PCDH15: variants seen among roughly 807,000 people sequenced by gnomAD.
PCDH15 encodes protocadherin-15.
PCDH15 carries 129 observed loss-of-function variants against 178.5 expected under a neutral mutation model. The ratio of observed to expected loss-of-function variants is 0.72; its 90% CI spans 0.63 to 0.84. The LOEUF is 0.84. Ranked by LOEUF, PCDH15 falls within the 40% of genes least tolerant of loss-of-function variation. PCDH15 has a pLI of 0.00. For missense variants in PCDH15, 2,230 were observed against 2,099.9 expected (o/e 1.06, Z -1.21); for synonymous variants, 800 against 732.0 (o/e 1.09, Z -1.50).
rs1376089788 is a variant in PCDH15, at chr10:54,079,358, G to A, written c.2064C>T (p.Ile688=). ...CATCTGGCCTGCCATCTGAAGCTGT[G>A]ATGATCAGAATGTAGCGATCAGTGC... is the stretch of plus-strand genomic sequence containing the variant. ...RESTDRYILI[I]TASDGRPDGT... is the part of the protein sequence containing the mutation. Residue 688 remains isoleucine (I), a synonymous_variant, in exon 17 of 38, where the codon ATC becomes ATT. Coordinates refer to ENST00000644397, the MANE Select transcript of PCDH15 (RefSeq NM_001384140.1). 6.2e-7 allele frequency: 1 copy of A among 1,613,974 alleles called. No homozygotes were observed. Among genetic ancestry groups the A allele is most frequent in the African/African-American group, 1.3e-5 (1 of 74,914 alleles).
At chr10:55,179,873 T>C (rs1326279137) in intron 1 of PCDH15, among the ~76,000 whole-genome samples, 1 of 151,942 alleles carries the variant, frequency 6.6e-6, no homozygotes, top group Non-Finnish European at 1.5e-5. Flanking sequence ...TCCTGCTTGC[T>C]GAACTACGGG....
Position 54,599,763 on chromosome 10 carries a change from T to C in PCDH15, c.91+64409A>G, listed in dbSNP as rs576014201. 67 of 500,444 alleles carry C rather than the reference T, an allele frequency of 1.3e-4. No individual in the cohort carries two copies. In the East Asian group the frequency reaches 3.1e-3, roughly 23 times the overall value. The allele number at this position is 500,444 out of a possible 1,614,324, so 31.0% of individuals were successfully genotyped here. The stretch of plus-strand genomic sequence containing the variant: ...AAGAAGAGGAGGTAAAAGATGAGGG[T>C]GATAAGTTAGACCAAGCTGAAGAGG... On this transcript the variant is annotated intron_variant, in intron 2 of 37. Transcript: ENST00000644397.
At chr10:55,134,644 T>A (rs1838141113) in intron 2 of PCDH15, among the ~76,000 whole-genome samples, 1 of 152,194 alleles carries the variant, frequency 6.6e-6, no homozygotes, top group Non-Finnish European at 1.5e-5. Flanking sequence ...GTTTTCTGAT[T>A]GGAAATCTAA....
At chr10:54,617,059 T>G (rs2093183755) in intron 2 of PCDH15, among the ~76,000 whole-genome samples, 2 of 115,154 alleles carry the variant, frequency 1.7e-5, no homozygotes, top group South Asian at 2.6e-4. Context: ...TTTTAATTTT[T>G]ATTTATTTAT....
intron 2 of PCDH15, among the ~76,000 whole-genome samples, chr10:54,903,969 A>T (rs1310585684): frequency 6.6e-6 from 1 of 152,082 alleles, no homozygotes; most frequent in Non-Finnish European, 1.5e-5. Flanking sequence ...AGACAATGAC[A>T]TATTATTACT....
chr10:54,503,569 T>C (rs541221912), intron 3 of PCDH15, among the ~76,000 whole-genome samples: 1 of 151,552 alleles, frequency 6.6e-6, no homozygotes, highest in African/African-American at 2.4e-5. Flanking sequence ...CTCACATAGC[T>C]GTACTGAGGT....
intron 2 of PCDH15, among the ~76,000 whole-genome samples, chr10:54,578,171 G>T (rs2090698426): frequency 6.6e-6 from 1 of 151,804 alleles, no homozygotes; most frequent in African/African-American, 2.4e-5. Context: ...TAAATTTCTG[G>T]TGTAAATTCT....
chr10:54,134,448 T>C (rs1452341962), intron 14 of PCDH15, among the ~76,000 whole-genome samples: 1 of 152,062 alleles, frequency 6.6e-6, no homozygotes, highest in African/African-American at 2.4e-5. Context: ...ATTCTACTTT[T>C]CAAAACCTTT....
At chr10:54,338,460 T>A (rs539596654) in intron 6 of PCDH15, among the ~76,000 whole-genome samples, 74 of 150,770 alleles carry the variant, frequency 4.9e-4, no homozygotes, top group African/African-American at 1.6e-3. Flanking sequence ...GTGATTTTTT[T>A]AAAAATCGTT....
intron 3 of PCDH15, among the ~76,000 whole-genome samples, chr10:54,824,790 C>G (rs1477195185): frequency 2.0e-5 from 3 of 152,034 alleles, no homozygotes; most frequent in Non-Finnish European, 4.4e-5. Flanking sequence ...AATACCACCA[C>G]TTTTACCCTC....
At chr10:54,550,319 C>T (rs1233335433) in intron 2 of PCDH15, among the ~76,000 whole-genome samples, 7 of 152,264 alleles carry the variant, frequency 4.6e-5, no homozygotes, top group East Asian at 3.9e-4. Flanking sequence ...ACCTCTCTCT[C>T]GCTAGAAAAA....
chr10:53,922,047 T>G (rs546534727), intron 25 of PCDH15, among the ~76,000 whole-genome samples: 22 of 152,082 alleles, frequency 1.4e-4, no homozygotes, highest in African/African-American at 5.3e-4. Context: ...AATTTTTTTT[T>G]GAAGAAAGTT....
At chr10:54,740,952 A>G (rs556105005) in intron 1 of PCDH15, among the ~76,000 whole-genome samples, 163 of 152,082 alleles carry the variant, frequency 1.1e-3, no homozygotes, top group African/African-American at 2.2e-3. Context: ...TCTAGCATTT[A>G]ATAACACAGC....
intron 21 of PCDH15, among the ~76,000 whole-genome samples, chr10:53,975,215 G>C (rs2090087198): frequency 6.6e-6 from 1 of 152,096 alleles, no homozygotes; most frequent in Non-Finnish European, 1.5e-5. Flanking sequence ...CCATGTCTTA[G>C]CTATTGTGAA....
intron 1 of PCDH15, among the ~76,000 whole-genome samples, chr10:55,249,102 CAACA>C (rs746994829): frequency 7.2e-5 from 11 of 152,128 alleles, no homozygotes; most frequent in East Asian, 1.9e-4. Flanking sequence ...ACGATAAAAT[CAACA>C]AACAGAGACA....
intron 2 of PCDH15, among the ~76,000 whole-genome samples, chr10:55,013,402 C>T (rs1210053427): frequency 7.5e-6 from 1 of 134,074 alleles, no homozygotes; most frequent in South Asian, 2.5e-4. Flanking sequence ...AGAATTGGCA[C>T]CTGGTTACCA....
chr10:55,339,787 G>GA (rs1215747559), intron 2 of PCDH15, among the ~76,000 whole-genome samples: 1 of 151,926 alleles, frequency 6.6e-6, no homozygotes, highest in African/African-American at 2.4e-5. Context: ...AAAAATTTAT[G>GA]AAAAACACTT....
rs1484891836 is a variant in PCDH15 at position 54,622,578 on chromosome 10, TATATA to T, written c.91+41589_91+41593del. Among the ~76,000 whole-genome samples the T allele has an allele frequency of 5.4e-3, 542 of 101,060 alleles. 10 individuals are homozygous for T. The highest frequency in any genetic ancestry group is 0.022 in the African/African-American group (519 of 23,534). 66.3% of individuals were successfully genotyped at this position (101,060 alleles called of 152,430 possible). On this transcript the variant is annotated intron_variant, in intron 2 of 37. Transcript: ENST00000644397. The stretch of plus-strand genomic sequence containing the variant: ...TCATTGTAACCTGTGTGTATATATA[TATATA>T]ATATATATAATATATAATATATATA...
chr10:54,020,476 A>G (rs1240739519), intron 19 of PCDH15, 60 bp from the exon 20 acceptor site: 1 of 1,501,104 alleles, frequency 6.7e-7, no homozygotes, highest in African/African-American at 1.4e-5. Context: ...AAATGCAGGA[A>G]GGATGGAAGT....
Sources: gnomAD v4.1 joint callset for allele counts (sites outside exome capture counted in the v4.1 genomes callset) on GRCh38, gnomAD v4.1.1 for gene constraint, MANE v1.5 for transcripts, NCBI Gene and HGNC (gene_info 2026-07-23, HGNC 2026-07-21) for gene names.